DYNC2H1: variants seen among roughly 807,000 people sequenced by gnomAD.
DYNC2H1 encodes the protein cytoplasmic dynein 2 heavy chain 1.
DYNC2H1 carries 410 observed loss-of-function variants against 570.0 expected under a neutral mutation model. The ratio of observed to expected loss-of-function variants is 0.72; its 90% confidence interval spans 0.66 to 0.78. The LOEUF (loss-of-function observed/expected upper bound fraction) is 0.78. Ranked by LOEUF, DYNC2H1 falls within the 30% of genes least tolerant of loss-of-function variation. DYNC2H1 has a pLI of 0.00. For synonymous variants in DYNC2H1, 1,688 were observed against 1,677.6 expected (o/e 1.01, Z -0.15); for missense variants, 4,865 against 5,046.4 (o/e 0.96, Z 1.09).
intron 84 of DYNC2H1, chr11:103,407,722 A>T (rs1942919719): frequency 6.6e-6 from 1 of 151,958 alleles, no homozygotes; most frequent in Admixed American, 6.6e-5. Context: ...TATAAAGAAG[A>T]GGGCAAATGA....
intron 83 of DYNC2H1, among the ~76,000 whole-genome samples, chr11:103,392,067 C>T (rs1474166202): frequency 1.3e-5 from 2 of 152,218 alleles, no homozygotes; most frequent in Non-Finnish European, 2.9e-5. Flanking sequence ...ATTTCTGCTG[C>T]CTTTTGTTTG....
Position 103,220,018 on chromosome 11 carries a change from A to T in DYNC2H1, c.8936A>T (p.Lys2979Ile). The change falls in exon 56 of 89, where the codon AAA becomes ATA. Residue 2979 changes from lysine (K) to isoleucine (I), a missense_variant. Coordinates refer to ENST00000375735, the MANE Select transcript of DYNC2H1 (RefSeq NM_001377.3). The stretch of plus-strand genomic sequence containing the variant: ...AAAAATAAAATTGATGATGAATTAA[A>T]AGAAGTACAAGTAAGTTAAAAAACA... ...ERKNKIDDEL[K>I]EVQPLVNEAK... The T allele has an allele frequency of 7.0e-7, 1 of 1,432,988 alleles. No homozygotes were observed. The highest frequency in any genetic ancestry group is 9.2e-7 in the Non-Finnish European group (1 of 1,081,202). The allele number at this position is 1,432,988 out of a possible 1,614,324, so 88.8% of individuals were successfully genotyped here.
chr11:103,440,231 C>A (rs1450662063), intron 85 of DYNC2H1, among the ~76,000 whole-genome samples: 1 of 152,092 alleles, frequency 6.6e-6, no homozygotes, highest in African/African-American at 2.4e-5. Context: ...GCTAAATAGA[C>A]CCAATATTCT....
intron 84 of DYNC2H1, among the ~76,000 whole-genome samples, chr11:103,432,440 C>T (rs541536711): frequency 6.6e-6 from 1 of 152,248 alleles, no homozygotes; most frequent in Non-Finnish European, 1.5e-5. Context: ...ACTATGTCCT[C>T]ATCTTCAAGG....
At chr11:103,360,909 G>A (rs982737940) in intron 83 of DYNC2H1, among the ~76,000 whole-genome samples, 2 of 152,202 alleles carry the variant, frequency 1.3e-5, no homozygotes, top group Non-Finnish European at 2.9e-5. Flanking sequence ...TAGTTAGGGA[G>A]TATCTTGTTT....
Position 103,177,330 on chromosome 11 carries a change from C to G in DYNC2H1, c.5875-226C>G, listed in dbSNP as rs11225580. 0.038 allele frequency among the ~76,000 whole-genome samples: 5,732 copies of G among 151,990 alleles called. 363 individuals are homozygous for G. Among genetic ancestry groups the G allele is most frequent in the African/African-American group, 0.13 (5,449 of 41,454 alleles). On this transcript the variant is annotated intron_variant, in intron 37 of 88. Coordinates refer to ENST00000375735, the MANE Select transcript of DYNC2H1 (RefSeq NM_001377.3). This position sits in a 1 kb window ranked among gnomAD's most constrained non-coding sequence, Gnocchi z 4.4. Reference sequence around the variant, plus strand: ...ATACAAGTTTTTTGAACTTGGAAACCTGGAAAGCACCTTTGTTTCTTTTAA... The same window carrying G: ...ATACAAGTTTTTTGAACTTGGAAACGTGGAAAGCACCTTTGTTTCTTTTAA...
Position 103,117,831 on chromosome 11 carries a change from A to G in DYNC2H1, c.967A>G (p.Thr323Ala). Residue 323 changes from threonine (T) to alanine (A), a missense_variant, in exon 6 of 89, where the codon ACA becomes GCA. Coordinates refer to ENST00000375735, the MANE Select transcript of DYNC2H1 (RefSeq NM_001377.3). Reference sequence around the variant, plus strand: ...GAAAAATGAAAAATATTTTCCAGAAACACTTGACAAACTTGGCAAACGCCT... The same window carrying G: ...GAAAAATGAAAAATATTTTCCAGAAGCACTTGACAAACTTGGCAAACGCCT... ...PWKNEKYFPETLDKLGKRLEE... is the reference protein window; with the variant it reads ...PWKNEKYFPEALDKLGKRLEE... 6.2e-7 allele frequency: 1 copy of G among 1,612,708 alleles called. No individual in the cohort carries two copies. The highest frequency in any genetic ancestry group is 8.5e-7 in the Non-Finnish European group (1 of 1,179,120).
chr11:103,131,290 A>G (rs898967850), intron 13 of DYNC2H1, among the ~76,000 whole-genome samples: 1 of 152,054 alleles, frequency 6.6e-6, no homozygotes, highest in Non-Finnish European at 1.5e-5. Context: ...TTTTTTACTT[A>G]TCCCAATATT....
chr11:103,374,466 G>T (rs2135562406), intron 83 of DYNC2H1, among the ~76,000 whole-genome samples: 1 of 152,280 alleles, frequency 6.6e-6, no homozygotes, highest in East Asian at 1.9e-4. Context: ...CAAGAACGTG[G>T]AAAGCAACTT....
At chr11:103,242,835 C>G (rs1864470192) in intron 63 of DYNC2H1, among the ~76,000 whole-genome samples, 2 of 151,974 alleles carry the variant, frequency 1.3e-5, no homozygotes, top group African/African-American at 4.8e-5. Flanking sequence ...ATTCTTCTGC[C>G]TCAGCCTCCC....
intron 87 of DYNC2H1, among the ~76,000 whole-genome samples, chr11:103,459,778 C>T (rs1268227994): frequency 6.7e-6 from 1 of 150,298 alleles, no homozygotes; most frequent in African/African-American, 2.5e-5. Context: ...AGGTGAAACC[C>T]CGTCTCTACT....
At chr11:103,294,069 T>C (rs1210703655) in intron 75 of DYNC2H1, among the ~76,000 whole-genome samples, 1 of 152,148 alleles carries the variant, frequency 6.6e-6, no homozygotes, top group African/African-American at 2.4e-5. Context: ...AGTGAGAGTG[T>C]CTCAAAAAAT....
Position 103,417,800 on chromosome 11 carries a change from C to T in DYNC2H1, c.12366+17928C>T, listed in dbSNP as rs370793624. Reference sequence around the variant, plus strand: ...CGGAGGCAGGAGAATTGCTTGAACCCGGGAGGCAAAGGTTGCAGTGAGCCA... The same window carrying T: ...CGGAGGCAGGAGAATTGCTTGAACCTGGGAGGCAAAGGTTGCAGTGAGCCA... On this transcript the variant is annotated intron_variant, in intron 84 of 88. Coordinates refer to ENST00000375735, the MANE Select transcript of DYNC2H1 (RefSeq NM_001377.3). Among the ~76,000 whole-genome samples, 15 of 151,356 alleles carry T rather than the reference C, an allele frequency of 9.9e-5. No homozygotes were observed. The East Asian group carries it at 2.0e-3, about 20-fold the overall frequency.
chr11:103,253,287 C>A lies in DYNC2H1; in HGVS notation c.10045C>A (p.Pro3349Thr), dbSNP rs1864910799. Reference sequence around the variant, plus strand: ...AATTGTGTGTTTTTTTTAAATAGGACCACGTTATGTGGTACAAATAGGTGA... The same window carrying A: ...AATTGTGTGTTTTTTTTAAATAGGAACACGTTATGTGGTACAAATAGGTGA... ...LLRRDLVAQG[P>T]RYVVQIGDKI... is the part of the protein sequence containing the mutation. The change falls in exon 66 of 89, where the codon CCA (proline) becomes ACA (threonine). Residue 3349 changes from proline (P) to threonine (T), a missense_variant and splice_region_variant. Physicochemically the swap from Pro to Thr is conservative, Grantham distance 38. This residue lies in a region of DYNC2H1 where 2,401 missense variants were observed against 2,454.6 expected (regional missense o/e 0.98). Transcript: ENST00000375735. 1.2e-6 allele frequency: 2 copies of A among 1,603,962 alleles called. No individual in the cohort carries two copies. The highest frequency in any genetic ancestry group is 2.7e-5 in the African/African-American group (2 of 74,508).
In DYNC2H1 at chr11:103,168,806, A is replaced by C; in HGVS notation, c.4814A>C (p.His1605Pro). Reference protein sequence around the residue: ...KLKALILDIIHNIDVVKQLNQ... With the variant: ...KLKALILDIIPNIDVVKQLNQ... ...AAAGCCCTAATTCTTGACATTATCCATAATATTGATGTGGTAAAGCAGTTA... is the reference window on the plus strand; with the variant it reads ...AAAGCCCTAATTCTTGACATTATCCCTAATATTGATGTGGTAAAGCAGTTA... The change falls in exon 32 of 89, where the codon CAT (histidine) becomes CCT (proline). Residue 1605 changes from histidine to proline, a missense_variant. His to Pro is a moderately conservative substitution (Grantham distance 77). This residue lies in a region of DYNC2H1 where 1,936 missense variants were observed against 1,962.1 expected (regional missense o/e 0.99). Transcript: ENST00000375735. 1 of 1,613,296 alleles carries C rather than the reference A, an allele frequency of 6.2e-7. No homozygotes were observed. Among genetic ancestry groups the C allele is most frequent in the Non-Finnish European group, 8.5e-7 (1 of 1,179,550 alleles).
chr11:103,375,470 A>G (rs1407885824), intron 83 of DYNC2H1, among the ~76,000 whole-genome samples: 1 of 152,198 alleles, frequency 6.6e-6, no homozygotes, highest in Non-Finnish European at 1.5e-5. Flanking sequence ...TGGAAAAGCC[A>G]CAGACACACA....
Position 103,255,456 on chromosome 11 carries a change from A to G in DYNC2H1, c.10248A>G (p.Glu3416=). Residue 3416 remains glutamate, a synonymous_variant, in exon 67 of 89, where the codon GAA becomes GAG. Coordinates refer to ENST00000375735, the MANE Select transcript of DYNC2H1 (RefSeq NM_001377.3). ...TTCAGCATGAGAAACCTGATTTAGA[A>G]GAACAGAAAACAAAACTATTACAAC... is the stretch of plus-strand genomic sequence containing the variant. The part of the protein sequence containing the change: ...LTIQHEKPDL[E]EQKTKLLQQE... 1 of 1,569,264 alleles carries G rather than the reference A, an allele frequency of 6.4e-7. No individual in the cohort carries two copies. Among genetic ancestry groups the G allele is most frequent in the Non-Finnish European group, 8.7e-7 (1 of 1,156,054 alleles).
chr11:103,405,748 C>G (rs1312099165), intron 84 of DYNC2H1: 1 of 151,966 alleles, frequency 6.6e-6, no homozygotes, highest in Non-Finnish European at 1.5e-5. Flanking sequence ...TAAGGCGGTG[C>G]CCCCTATTCC....
Position 103,244,439 on chromosome 11 carries a change from A to C in DYNC2H1, c.9918+648A>C, listed in dbSNP as rs1864532258. On this transcript the variant is annotated intron_variant, in intron 64 of 88. Transcript: ENST00000375735. The surrounding 1 kb of genome is among the most constrained non-coding windows in gnomAD (Gnocchi z 4.3). ...AAAAATTACCTCTAAAAGTTACTTT[A>C]CTTGTAAAATGGGGATATCTACCTT... Among the ~76,000 whole-genome samples, 1 of 151,176 alleles carries C rather than the reference A, an allele frequency of 6.6e-6. No individual in the cohort carries two copies. The highest frequency in any genetic ancestry group is 2.4e-5 in the African/African-American group (1 of 41,366).
Sources: allele counts gnomAD v4.1 joint callset (sites outside exome capture counted in the v4.1 genomes callset), GRCh38; gene constraint gnomAD v4.1.1; regional missense constraint gnomAD v4.1.1; non-coding constraint Gnocchi (gnomAD v3.1); transcripts MANE v1.5; gene names NCBI Gene and HGNC (gene_info 2026-07-23, HGNC 2026-07-21).